Variants in AEN observed in about 807,000 individuals in gnomAD.
The protein encoded by AEN is apoptosis enhancing nuclease.
A neutral mutation model predicts 17.7 loss-of-function variants in AEN; 21 were observed. The ratio of observed to expected loss-of-function variants is 1.19; its 90% confidence interval spans 0.84 to 1.71. AEN has a LOEUF of 1.71. Among genes scored for constraint, AEN ranks in the 40% most tolerant of loss-of-function variants. AEN has a pLI of 0.00. For missense variants in AEN, 462 were observed against 435.9 expected (o/e 1.06, Z -0.53); for synonymous variants, 190 against 173.0 (o/e 1.10, Z -0.77).
intron 1 of AEN, among the ~76,000 whole-genome samples, chr15:88,625,260 T>G (rs113155369): frequency 3.3e-5 from 5 of 152,146 alleles, no homozygotes; most frequent in Non-Finnish European, 7.4e-5. Flanking sequence ...TGGCTCATAC[T>G]TATAATCCCA....
In AEN at chr15:88,632,116, C is replaced by G. The variant is rs2033879766; in HGVS notation, c.*1822C>G. 1 of 152,186 alleles carries G rather than the reference C, an allele frequency of 6.6e-6. No individual in the cohort carries two copies. The highest frequency in any genetic ancestry group is 1.5e-5 in the Non-Finnish European group (1 of 68,048). 9.4% of individuals were successfully genotyped at this position (152,186 alleles called of 1,614,324 possible). On this transcript the variant is annotated 3_prime_UTR_variant, in exon 4 of 4. Coordinates refer to ENST00000332810, the MANE Select transcript of AEN (RefSeq NM_022767.4). ...TGGCTCCAGAACTTTGTTCTAGATT[C>G]CTTAAAAGTCGGTAGCTGATGTCAA...
chr15:88,612,477 T>C, the AEN span, among the ~76,000 whole-genome samples: 1 of 152,184 alleles, frequency 6.6e-6, no homozygotes, highest in African/African-American at 2.4e-5. Flanking sequence ...TCCAGAGGTG[T>C]GGCCAAGGGA....
Position 88,628,982 on chromosome 15 carries a change from G to A in AEN, c.541-244G>A, listed in dbSNP as rs1029319673. The stretch of plus-strand genomic sequence containing the variant: ...CCTTAGAGCCACCCCACGGAATGCT[G>A]CTGGCAGTGTTTCCCTTTGACAGGT... On this transcript the variant is annotated intron_variant, in intron 2 of 3. Transcript: ENST00000332810. 159 of 503,226 alleles carry A rather than the reference G, an allele frequency of 3.2e-4. 1 individual carries two copies. In the East Asian group the frequency reaches 5.4e-3, roughly 17 times the overall value. 31.2% of individuals were successfully genotyped at this position (503,226 alleles called of 1,614,324 possible).
chr15:88,605,075 G>A, the AEN span: 82 of 152,554 alleles, frequency 5.4e-4, no homozygotes, highest in South Asian at 0.014. The surrounding 1 kb of genome is among the most constrained non-coding windows in gnomAD (Gnocchi z 7.6). Flanking sequence ...GAGGGCCGGA[G>A]AAGCGAGCGG....
At chr15:88,608,907 G>T in the AEN span, among the ~76,000 whole-genome samples, 1 of 152,198 alleles carries the variant, frequency 6.6e-6, no homozygotes, top group Non-Finnish European at 1.5e-5. Context: ...CAATGGGCAG[G>T]TCTGTTTATT....
chr15:88,608,765 A>G, the AEN span, among the ~76,000 whole-genome samples: 3 of 152,254 alleles, frequency 2.0e-5, no homozygotes, highest in Non-Finnish European at 2.9e-5. Flanking sequence ...CAAATAGAAA[A>G]GCTGAATGGA....
upstream of AEN, among the ~76,000 whole-genome samples, chr15:88,620,398 T>TTTTC (rs375940011): frequency 7.0e-4 from 107 of 151,988 alleles, no homozygotes; most frequent in African/African-American, 2.3e-3. Context: ...TTACACTGAA[T>TTTTC]TTTCTTTCTT....
At chr15:88,617,056 A>G (rs943826647), upstream of AEN, among the ~76,000 whole-genome samples, 1 of 152,204 alleles carries the variant, frequency 6.6e-6, no homozygotes, top group Non-Finnish European at 1.5e-5. Flanking sequence ...GAGTCTAAAT[A>G]TCATAATGAT....
At chr15:88,628,894 C>A in intron 2 of AEN, 1 of 256,106 alleles carries the variant, frequency 3.9e-6, no homozygotes, top group Non-Finnish European at 7.6e-6. Flanking sequence ...GGAGAGCCAA[C>A]ACCAGCAATA....
At chr15:88,629,061 G>T (rs1277655014) in intron 2 of AEN, 165 bp from the exon 3 acceptor site, 1 of 684,376 alleles carries the variant, frequency 1.5e-6, no homozygotes, top group Non-Finnish European at 2.5e-6. Flanking sequence ...TCTGGGTTCA[G>T]ACTTGGGGCA....
chr15:88,604,769 C>CA, the AEN span: 5 of 152,312 alleles, frequency 3.3e-5, no homozygotes, highest in South Asian at 4.1e-4. The surrounding 1 kb of genome is among the most constrained non-coding windows in gnomAD (Gnocchi z 8.1). Context: ...GGCAAGTATT[C>CA]AAGGGGCACT....
the AEN span, among the ~76,000 whole-genome samples, chr15:88,607,937 T>C: frequency 6.6e-6 from 1 of 152,226 alleles, no homozygotes; most frequent in Admixed American, 6.5e-5. Context: ...TGTACTTTTC[T>C]TCCCAAAGAA....
At chr15:88,615,897 A>G in the AEN span, among the ~76,000 whole-genome samples, 1 of 152,100 alleles carries the variant, frequency 6.6e-6, no homozygotes. Flanking sequence ...GCAGAATGGC[A>G]CTCTGACTGT....
chr15:88,630,013 T>A lies in AEN; in HGVS notation c.742-45T>A, dbSNP rs781055656. ...GCCTTGCTTCTTGGGGTAACAGGCCTCTCACTAGGCCTGCAGGCAGTGATG... is the reference window on the plus strand; with the variant it reads ...GCCTTGCTTCTTGGGGTAACAGGCCACTCACTAGGCCTGCAGGCAGTGATG... On this transcript the variant is annotated intron_variant, in intron 3 of 3. Coordinates refer to ENST00000332810, the MANE Select transcript of AEN (RefSeq NM_022767.4). This position sits in a 1 kb window ranked among gnomAD's most constrained non-coding sequence, Gnocchi z 5.1. The A allele has an allele frequency of 3.8e-6, 6 of 1,596,174 alleles. No individual in the cohort carries two copies. The highest frequency in any genetic ancestry group is 3.3e-4 in the Middle Eastern group (2 of 6,022).
At chr15:88,620,854 T>C (rs1486501236), upstream of AEN, among the ~76,000 whole-genome samples, 7 of 152,166 alleles carry the variant, frequency 4.6e-5, no homozygotes, top group Non-Finnish European at 1.0e-4. Flanking sequence ...TGCAAAAGAA[T>C]AAATGAAAAA....
At chr15:88,613,790 CT>C in the AEN span, among the ~76,000 whole-genome samples, 24,663 of 152,124 alleles carry the variant, frequency 0.16, 2,225 homozygotes, top group Middle Eastern at 0.2. Flanking sequence ...TTGATCACAT[CT>C]ACCTTGCTAG....
intron 1 of AEN, among the ~76,000 whole-genome samples, chr15:88,622,000 C>T (rs745790277): frequency 3.3e-5 from 5 of 152,124 alleles, no homozygotes; most frequent in African/African-American, 4.8e-5. Context: ...ATTCACAGCC[C>T]TCGGTTGATG....
the AEN span, among the ~76,000 whole-genome samples, chr15:88,609,998 C>A: frequency 2.0e-5 from 3 of 152,090 alleles, no homozygotes; most frequent in Non-Finnish European, 4.4e-5. Context: ...GGCTTTAGGG[C>A]CAGGGTTGCT....
At chr15:88,629,587 C>T (rs950740915) in intron 3 of AEN, among the ~76,000 whole-genome samples, 161 bp downstream of exon 3, 1 of 152,174 alleles carries the variant, frequency 6.6e-6, no homozygotes, top group East Asian at 1.9e-4. Context: ...CTCCTGTACA[C>T]GCAGCTCCAG....
Sources: allele counts gnomAD v4.1 joint callset (sites outside exome capture counted in the v4.1 genomes callset), GRCh38; gene constraint gnomAD v4.1.1; non-coding constraint Gnocchi (gnomAD v3.1); transcripts MANE v1.5; gene names NCBI Gene and HGNC (gene_info 2026-07-23, HGNC 2026-07-21).